The following PDE1C variants were observed in gnomAD, a reference collection of about 807,000 sequenced individuals.
PDE1C encodes the protein dual specificity calcium/calmodulin-dependent 3',5'-cyclic nucleotide phosphodiesterase 1C.
A neutral mutation model predicts 93.1 loss-of-function variants in PDE1C; 62 were observed. That is an observed-to-expected ratio of 0.67 (90% CI 0.54 to 0.82). The LOEUF (loss-of-function observed/expected upper bound fraction) is 0.82, where lower values mean the gene tolerates loss of function less well. Among genes scored for constraint, PDE1C ranks in the 40% least tolerant of loss-of-function variants. PDE1C has a pLI of 0.00. For synonymous variants in PDE1C, 325 were observed against 310.1 expected (o/e 1.05, Z -0.50); for missense variants, 742 against 884.6 (o/e 0.84, Z 2.04).
chr7:31,815,944 G>A lies in PDE1C; in HGVS notation c.1793C>T (p.Ser598Leu). 1 of 1,612,728 alleles carries A rather than the reference G, an allele frequency of 6.2e-7. No individual in the cohort carries two copies. The highest frequency in any genetic ancestry group is 8.5e-7 in the Non-Finnish European group (1 of 1,178,786). Reference protein sequence around the residue: ...RGKNSKAEKSSGEQQQNGDFK... With the variant: ...RGKNSKAEKSLGEQQQNGDFK... ...CTCACCATTCTGTTGCTGTTCTCCT[G>A]ATGACTTCTCGGCTTTGGAGTTTTT... The change falls in exon 15 of 18, where the codon TCA becomes TTA. Residue 598 changes from serine (S) to leucine (L), a missense_variant. This residue lies in a region of PDE1C where 454 missense variants were observed against 459.4 expected (regional missense o/e 0.99). Transcript: ENST00000396191.
chr7:32,127,053 G>C (rs1252991916), intron 3 of PDE1C, among the ~76,000 whole-genome samples: 1 of 152,098 alleles, frequency 6.6e-6, no homozygotes, highest in Non-Finnish European at 1.5e-5. Context: ...ATCAGTTGAG[G>C]GCCTGCACAG....
At chr7:32,356,443 C>A (rs1455802927) in intron 1 of PDE1C, among the ~76,000 whole-genome samples, 2 of 152,192 alleles carry the variant, frequency 1.3e-5, no homozygotes, top group Non-Finnish European at 2.9e-5. Flanking sequence ...TAAAAGTGGA[C>A]ACAAGACCAT....
chr7:31,803,625 C>T (rs1215913526), intron 16 of PDE1C, among the ~76,000 whole-genome samples: 2 of 151,862 alleles, frequency 1.3e-5, no homozygotes, highest in Non-Finnish European at 2.9e-5. Context: ...TCAATTCCCA[C>T]CTATGAGTGA....
chr7:32,244,826 T>C (rs551085048), intron 1 of PDE1C, among the ~76,000 whole-genome samples: 2 of 152,272 alleles, frequency 1.3e-5, no homozygotes, highest in East Asian at 3.9e-4. Context: ...CTACATGTTG[T>C]CCTCAAAGAT....
chr7:32,415,056 C>T (rs1441945551), intron 1 of PDE1C, among the ~76,000 whole-genome samples: 2 of 152,122 alleles, frequency 1.3e-5, no homozygotes, highest in Non-Finnish European at 2.9e-5. Context: ...CTGGCCAGGC[C>T]CAGTGGCTCA....
chr7:31,656,149 T>A, the PDE1C span: 1 of 412,130 alleles, frequency 2.4e-6, no homozygotes, highest in Non-Finnish European at 3.3e-6. Flanking sequence ...GTTAAAACAC[T>A]GAAAACCTCC....
chr7:32,354,925 C>G (rs972672131), intron 1 of PDE1C, among the ~76,000 whole-genome samples: 1 of 152,212 alleles, frequency 6.6e-6, no homozygotes, highest in African/African-American at 2.4e-5. Context: ...TCCAAATCTT[C>G]TTTGCAAAGG....
intron 1 of PDE1C, among the ~76,000 whole-genome samples, chr7:32,237,305 T>A (rs1808176489): frequency 6.9e-6 from 1 of 145,770 alleles, no homozygotes; most frequent in Admixed American, 6.7e-5. Flanking sequence ...GCTAGGATGG[T>A]CTCGATCTCC....
chr7:31,801,259 C>T (rs371505666), intron 16 of PDE1C, among the ~76,000 whole-genome samples: 22 of 150,962 alleles, frequency 1.5e-4, no homozygotes, highest in East Asian at 5.8e-4. Flanking sequence ...ACACAAACTA[C>T]GCATATAAAA....
chr7:32,230,388 C>G (rs190644189), intron 1 of PDE1C, among the ~76,000 whole-genome samples: 1 of 152,308 alleles, frequency 6.6e-6, no homozygotes, highest in Non-Finnish European at 1.5e-5. Context: ...CGTTCAGCCC[C>G]TACTCCTACT....
chr7:32,340,719 C>T (rs542264611), intron 1 of PDE1C, among the ~76,000 whole-genome samples: 297 of 152,154 alleles, frequency 2.0e-3, no homozygotes, highest in Non-Finnish European at 3.6e-3. Flanking sequence ...ATGCATATTA[C>T]TAAGTGAAAA....
chr7:32,104,517 T>C (rs1223713538), intron 3 of PDE1C, among the ~76,000 whole-genome samples: 2 of 152,196 alleles, frequency 1.3e-5, no homozygotes, highest in African/African-American at 4.8e-5. Context: ...GAGGATGTGC[T>C]CTCCCCAGGG....
chr7:32,378,112 C>T (rs1784464638), intron 1 of PDE1C, among the ~76,000 whole-genome samples: 1 of 152,146 alleles, frequency 6.6e-6, no homozygotes, highest in African/African-American at 2.4e-5. Context: ...GTTCTAACAG[C>T]CATGTTAGGA....
chr7:31,985,351 T>C (rs1311745515), intron 2 of PDE1C, among the ~76,000 whole-genome samples: 1 of 152,108 alleles, frequency 6.6e-6, no homozygotes, highest in Non-Finnish European at 1.5e-5. Flanking sequence ...AAAGTGGCTT[T>C]CCAGGAACCT....
chr7:31,907,391 T>C (rs73308605), intron 2 of PDE1C, among the ~76,000 whole-genome samples: 5,071 of 152,058 alleles, frequency 0.033, 272 homozygotes, highest in African/African-American at 0.12. Context: ...TTAGAACCTG[T>C]AAAACTTTAT....
the PDE1C span, among the ~76,000 whole-genome samples, chr7:31,619,479 A>G: frequency 2.0e-5 from 3 of 152,112 alleles, no homozygotes; most frequent in Admixed American, 6.5e-5. Context: ...AAAGCAGGTA[A>G]AGTTACTGTA....
intron 2 of PDE1C, among the ~76,000 whole-genome samples, chr7:31,998,308 C>T (rs1160785530): frequency 2.0e-5 from 3 of 152,162 alleles, no homozygotes; most frequent in Admixed American, 6.5e-5. Flanking sequence ...TGTGAGCCAC[C>T]ACACCCAGCC....
the PDE1C span, among the ~76,000 whole-genome samples, chr7:31,630,585 T>C: frequency 6.6e-6 from 1 of 152,198 alleles, no homozygotes; most frequent in Non-Finnish European, 1.5e-5. Context: ...TGATGCCTAC[T>C]TTCAGAACAA....
At chr7:32,043,352 C>G (rs978599474) in intron 2 of PDE1C, among the ~76,000 whole-genome samples, 2 of 152,138 alleles carry the variant, frequency 1.3e-5, no homozygotes, top group African/African-American at 4.8e-5. Flanking sequence ...TTGAAAGCCA[C>G]CAGGTTTGGG....
Sources: allele counts gnomAD v4.1 joint callset (sites outside exome capture counted in the v4.1 genomes callset), GRCh38; gene constraint gnomAD v4.1.1; regional missense constraint gnomAD v4.1.1; transcripts MANE v1.5; gene names NCBI Gene and HGNC (gene_info 2026-07-23, HGNC 2026-07-21).